Variants in RAB3C observed in about 807,000 individuals in gnomAD.
RAB3C encodes the protein ras-related protein Rab-3C.
RAB3C carries 17 observed loss-of-function variants against 26.4 expected under a neutral mutation model. That is an observed-to-expected ratio of 0.64 (90% CI 0.44 to 0.97). The LOEUF (loss-of-function observed/expected upper bound fraction) is 0.97, where lower values mean the gene tolerates loss of function less well. Ranked by LOEUF, RAB3C falls within the 50% of genes least tolerant of loss-of-function variation. RAB3C has a pLI of 0.00. For missense variants in RAB3C, 242 were observed against 281.9 expected (o/e 0.86, Z 1.01); for synonymous variants, 91 against 95.9 (o/e 0.95, Z 0.30).
At chr5:58,808,089 G>A (rs903263943) in intron 3 of RAB3C, among the ~76,000 whole-genome samples, 19 of 152,014 alleles carry the variant, frequency 1.2e-4, no homozygotes, top group African/African-American at 4.6e-4. Flanking sequence ...GCCAGGCGTA[G>A]TGGTGGGCGC....
chr5:58,775,414 A>C (rs1183967931), intron 3 of RAB3C, among the ~76,000 whole-genome samples: 18 of 152,072 alleles, frequency 1.2e-4, no homozygotes, highest in Non-Finnish European at 2.9e-5. Context: ...TGGCAGGTTT[A>C]ATGAAATCAT....
intron 4 of RAB3C, among the ~76,000 whole-genome samples, chr5:58,843,426 C>T (rs975969561): frequency 1.3e-5 from 2 of 152,152 alleles, no homozygotes; most frequent in Non-Finnish European, 2.9e-5. Flanking sequence ...TCTCCTTTAT[C>T]ATTGAAAGCC....
rs1447722701 is a variant in RAB3C, at chr5:58,852,082, A to G, written c.*731A>G. On this transcript the variant is annotated 3_prime_UTR_variant, in exon 5 of 5. Coordinates refer to ENST00000282878, the MANE Select transcript of RAB3C (RefSeq NM_138453.4). The stretch of plus-strand genomic sequence containing the variant: ...GTATCTACCCAGGACTGCTTTTTCC[A>G]CTGATCCTTCCCAATTCTGTGAATA... 2.0e-5 allele frequency: 3 copies of G among 152,180 alleles called. No individual in the cohort carries two copies. The highest frequency in any genetic ancestry group is 7.2e-5 in the African/African-American group (3 of 41,440). The allele number at this position is 152,180 out of a possible 1,614,324, so 9.4% of individuals were successfully genotyped here. A position where few individuals can be genotyped will look rare whatever the true frequency, so the allele number is the denominator to read the frequency against.
At chr5:58,747,074 CT>C (rs1362387026) in intron 3 of RAB3C, among the ~76,000 whole-genome samples, 1 of 152,296 alleles carries the variant, frequency 6.6e-6, no homozygotes, top group East Asian at 1.9e-4. Context: ...ATACAGACAG[CT>C]TTTACTGATC....
At chr5:58,774,493 C>A (rs759569718) in intron 3 of RAB3C, among the ~76,000 whole-genome samples, 1 of 152,134 alleles carries the variant, frequency 6.6e-6, no homozygotes, top group African/African-American at 2.4e-5. Context: ...CTGTTTCTAG[C>A]ACTACAGAGA....
intron 2 of RAB3C, among the ~76,000 whole-genome samples, chr5:58,722,944 G>A (rs965744999): frequency 2.2e-4 from 33 of 151,884 alleles, no homozygotes; most frequent in African/African-American, 7.7e-4. Context: ...ATGCAATTAT[G>A]CAACATTGCA....
At chr5:58,737,264 G>A (rs1360638750) in intron 3 of RAB3C, among the ~76,000 whole-genome samples, 4 of 151,144 alleles carry the variant, frequency 2.6e-5, no homozygotes, top group Admixed American at 6.6e-5. Flanking sequence ...TCATGTCTTC[G>A]CTGTAATGTC....
chr5:58,819,435 A>C (rs1743290051), intron 3 of RAB3C, among the ~76,000 whole-genome samples: 1 of 152,198 alleles, frequency 6.6e-6, no homozygotes, highest in East Asian at 1.9e-4. Context: ...TTCTCAACTC[A>C]TGGAGTTTAT....
At chr5:58,583,036 C>A (rs1876691), upstream of RAB3C, 159,983 of 1,444,284 alleles carry the variant, frequency 0.11, 10,072 homozygotes, top group African/African-American at 0.23. Flanking sequence ...CGGGGCTCCT[C>A]GGCAGTACGC....
intron 4 of RAB3C, among the ~76,000 whole-genome samples, chr5:58,839,030 C>CTTTTT (rs1470014862): frequency 1.3e-5 from 2 of 151,712 alleles, no homozygotes; most frequent in Non-Finnish European, 2.9e-5. Flanking sequence ...TCCCTGCTTA[C>CTTTTT]TTTTGGTTTC....
intron 1 of RAB3C, among the ~76,000 whole-genome samples, chr5:58,602,919 A>T (rs1746488064): frequency 6.6e-6 from 1 of 152,100 alleles, no homozygotes; most frequent in Admixed American, 6.6e-5. Context: ...TGTGTGATTT[A>T]TGCTTTAATA....
chr5:58,781,213 C>T (rs143905731), intron 3 of RAB3C, among the ~76,000 whole-genome samples: 42 of 152,254 alleles, frequency 2.8e-4, no homozygotes, highest in African/African-American at 1.0e-3. Flanking sequence ...CCTGACTCCA[C>T]ACAGTATGGC....
chr5:58,845,645 CAT>C (rs1008120004), intron 4 of RAB3C, among the ~76,000 whole-genome samples: 3 of 64,618 alleles, frequency 4.6e-5, no homozygotes, highest in South Asian at 8.8e-4. Flanking sequence ...TGTATATATA[CAT>C]ATATATACAT....
intron 3 of RAB3C, among the ~76,000 whole-genome samples, chr5:58,774,053 C>A (rs551979476): frequency 1.3e-5 from 2 of 152,286 alleles, no homozygotes; most frequent in African/African-American, 4.8e-5. Context: ...CCTTTGCATT[C>A]TCAGCTACTG....
At chr5:58,845,632 A>G (rs2548233) in intron 4 of RAB3C, among the ~76,000 whole-genome samples, 55,514 of 106,882 alleles carry the variant, frequency 0.52, 15,378 homozygotes, top group Middle Eastern at 0.63. Context: ...GTGTGTGTGT[A>G]TATGTATATA....
intron 1 of RAB3C, among the ~76,000 whole-genome samples, chr5:58,614,908 C>T (rs903133556): frequency 1.3e-5 from 2 of 151,830 alleles, no homozygotes; most frequent in Non-Finnish European, 2.9e-5. Flanking sequence ...GAATAATAAC[C>T]ACTGTTTACA....
chr5:58,818,764 C>T (rs1050244153), intron 3 of RAB3C, among the ~76,000 whole-genome samples: 1 of 152,154 alleles, frequency 6.6e-6, no homozygotes, highest in African/African-American at 2.4e-5. Context: ...CTCTACCCAA[C>T]AAAGAAATAA....
Position 58,621,845 on chromosome 5 carries a change from G to A in RAB3C, c.252+3975G>A, listed in dbSNP as rs988262875. Reference sequence around the variant, plus strand: ...CTCGCCTCAGCCTCCCAAAGTGCTGGGATTACAGGCATGAGCCACCACGCC... The same window carrying A: ...CTCGCCTCAGCCTCCCAAAGTGCTGAGATTACAGGCATGAGCCACCACGCC... On this transcript the variant is annotated intron_variant, in intron 2 of 4. Coordinates refer to ENST00000282878, the MANE Select transcript of RAB3C (RefSeq NM_138453.4). Among the ~76,000 whole-genome samples the A allele has an allele frequency of 2.6e-5, 4 of 152,120 alleles. No homozygotes were observed. The South Asian group carries it at 8.3e-4, about 32-fold the overall frequency.
chr5:58,660,068 GTGC>G, intron 2 of RAB3C, among the ~76,000 whole-genome samples: 2,634 of 147,370 alleles, frequency 0.018, 193 homozygotes, highest in African/African-American at 0.067. Flanking sequence ...GCCTCCCAAA[GTGC>G]TGGGATTACA....
Sources: gnomAD v4.1 joint callset for allele counts (sites outside exome capture counted in the v4.1 genomes callset) on GRCh38, gnomAD v4.1.1 for gene constraint, MANE v1.5 for transcripts, NCBI Gene and HGNC (gene_info 2026-07-23, HGNC 2026-07-21) for gene names.